DPP10: variants seen among roughly 807,000 people sequenced by gnomAD.
The protein encoded by DPP10 is inactive dipeptidyl peptidase 10.
Under a neutral mutation model 120.9 loss-of-function variants are expected in DPP10, and 33 were observed. The ratio of observed to expected loss-of-function variants is 0.27; its 90% confidence interval spans 0.21 to 0.37. DPP10 has a LOEUF of 0.37. DPP10 is among the 10% of genes least tolerant of loss of function. The pLI, the probability that DPP10 is intolerant of heterozygous loss-of-function variation, is 1.00. For missense variants in DPP10, 816 were observed against 942.8 expected, an observed-to-expected ratio of 0.87 and a Z score of 1.76; for synonymous variants, 337 against 326.1, an observed-to-expected ratio of 1.03 and a Z score of -0.36.
At chr2:114,483,811 C>G (rs1207889660) in intron 1 of DPP10, among the ~76,000 whole-genome samples, 1 of 152,098 alleles carries the variant, frequency 6.6e-6, no homozygotes, top group African/African-American at 2.4e-5. Context: ...TTTTAAAAAT[C>G]TTGATTTCTA....
At chr2:115,089,716 G>A (rs72835740) in intron 1 of DPP10, among the ~76,000 whole-genome samples, 7,543 of 152,190 alleles carry the variant, frequency 0.05, 240 homozygotes, top group Middle Eastern at 0.095. Flanking sequence ...AAAAGTGCCC[G>A]ATTTTACTTT....
intron 1 of DPP10, among the ~76,000 whole-genome samples, chr2:114,908,829 G>T (rs997728076): frequency 1.3e-5 from 2 of 151,288 alleles, no homozygotes; most frequent in African/African-American, 4.8e-5. Flanking sequence ...TGCATTTCTG[G>T]AATAAGTACA....
Position 115,370,872 on chromosome 2 carries a change from C to T in DPP10, c.271+26960C>T, listed in dbSNP as rs189769884. On this transcript the variant is annotated intron_variant, in intron 3 of 25. Coordinates refer to ENST00000410059, the MANE Select transcript of DPP10 (RefSeq NM_020868.6). ...TAAGCGCCAGGTGATGCTGCTAGTC[C>T]CAGAACTAACTCAGAGAATCACTGA... Among the ~76,000 whole-genome samples, 53 of 151,972 alleles carry T rather than the reference C, an allele frequency of 3.5e-4. No homozygotes were observed. The East Asian group carries it at 8.5e-3, about 24-fold the overall frequency.
At chr2:115,655,748 C>T (rs538951218) in intron 5 of DPP10, among the ~76,000 whole-genome samples, 151 of 151,576 alleles carry the variant, frequency 1.0e-3, no homozygotes, top group African/African-American at 3.5e-3. Context: ...TATAATCGCT[C>T]AACACATTCC....
At chr2:115,717,033 T>A (rs183547919) in intron 7 of DPP10, among the ~76,000 whole-genome samples, 1 of 152,340 alleles carries the variant, frequency 6.6e-6, no homozygotes, top group East Asian at 1.9e-4. Flanking sequence ...AAACAAATTA[T>A]TGTAACGTCA....
intron 1 of DPP10, among the ~76,000 whole-genome samples, chr2:114,994,318 T>C (rs13407956): frequency 0.017 from 2,653 of 152,198 alleles, 74 homozygotes; most frequent in African/African-American, 0.061. Flanking sequence ...ACATGAGAAA[T>C]TTACCTAGAA....
At chr2:115,562,024 G>A (rs2080717770) in intron 5 of DPP10, among the ~76,000 whole-genome samples, 2 of 152,252 alleles carry the variant, frequency 1.3e-5, no homozygotes, top group African/African-American at 4.8e-5. Flanking sequence ...CCTTTTATAG[G>A]TGATGACAAT....
At chr2:114,910,307 G>A (rs1300850506) in intron 1 of DPP10, among the ~76,000 whole-genome samples, 1 of 151,842 alleles carries the variant, frequency 6.6e-6, no homozygotes, top group Non-Finnish European at 1.5e-5. Context: ...TTAAGGAAAT[G>A]TGCCAGGAGC....
chr2:114,850,431 A>G (rs1688866037), intron 1 of DPP10, among the ~76,000 whole-genome samples: 1 of 152,220 alleles, frequency 6.6e-6, no homozygotes, highest in South Asian at 2.1e-4. Context: ...TTGTATGTGA[A>G]TTATAAATAG....
intron 1 of DPP10, among the ~76,000 whole-genome samples, chr2:115,281,647 T>A (rs887926507): frequency 3.9e-5 from 6 of 152,192 alleles, no homozygotes; most frequent in African/African-American, 1.4e-4. Flanking sequence ...ATTGTTTTAA[T>A]AATATTCATC....
At chr2:114,903,171 G>C (rs949436660) in intron 1 of DPP10, among the ~76,000 whole-genome samples, 1 of 152,034 alleles carries the variant, frequency 6.6e-6, no homozygotes, top group South Asian at 2.1e-4. Context: ...ATTGTCTGAT[G>C]TACCACAGTT....
chr2:115,625,552 G>C (rs2085293297), intron 5 of DPP10, among the ~76,000 whole-genome samples: 1 of 152,116 alleles, frequency 6.6e-6, no homozygotes, highest in Non-Finnish European at 1.5e-5. Context: ...GTGGGCAGTT[G>C]TTGATAAAAG....
chr2:115,039,913 C>A (rs778702281), intron 1 of DPP10, among the ~76,000 whole-genome samples: 1 of 151,622 alleles, frequency 6.6e-6, no homozygotes, highest in Non-Finnish European at 1.5e-5. Context: ...CGGCAGAAGG[C>A]GACAGGAGAG....
intron 1 of DPP10, among the ~76,000 whole-genome samples, chr2:114,942,397 A>G (rs1697023118): frequency 8.3e-6 from 1 of 121,156 alleles, no homozygotes; most frequent in Non-Finnish European, 1.8e-5. Flanking sequence ...ATATACACAC[A>G]CACACATATA....
chr2:114,557,769 G>A (rs948919459), intron 1 of DPP10, among the ~76,000 whole-genome samples: 3 of 152,122 alleles, frequency 2.0e-5, no homozygotes, highest in African/African-American at 4.8e-5. Flanking sequence ...ACAATGAAAG[G>A]AAAAAGTGTG....
chr2:114,945,945 C>T (rs1697317696), intron 1 of DPP10, among the ~76,000 whole-genome samples: 1 of 152,134 alleles, frequency 6.6e-6, no homozygotes, highest in African/African-American at 2.4e-5. Flanking sequence ...TACTCTAAGC[C>T]AAGTCCAAAC....
intron 1 of DPP10, among the ~76,000 whole-genome samples, chr2:115,217,817 C>T (rs1268913245): frequency 6.6e-6 from 1 of 152,054 alleles, no homozygotes; most frequent in African/African-American, 2.4e-5. Flanking sequence ...TTATTGATTA[C>T]TTCTGTCTAG....
At chr2:114,698,437 C>T (rs1272152809) in intron 1 of DPP10, among the ~76,000 whole-genome samples, 1 of 152,082 alleles carries the variant, frequency 6.6e-6, no homozygotes, top group East Asian at 1.9e-4. Context: ...GCCAAGACTC[C>T]CCAGGGTGCC....
chr2:115,526,156 G>T (rs772222160), intron 5 of DPP10, 184 bp downstream of exon 5: 28 of 497,272 alleles, frequency 5.6e-5, no homozygotes, highest in Non-Finnish European at 7.8e-5. Context: ...TTCCATATCT[G>T]CACAGCAAAT....
Sources: gnomAD v4.1 joint callset for allele counts (sites outside exome capture counted in the v4.1 genomes callset) on GRCh38, gnomAD v4.1.1 for gene constraint, MANE v1.5 for transcripts, NCBI Gene and HGNC (gene_info 2026-07-23, HGNC 2026-07-21) for gene names.